The following CAMTA1 variants were observed in gnomAD, a reference collection of about 807,000 sequenced individuals.
The protein encoded by CAMTA1 is calmodulin-binding transcription activator 1.
In CAMTA1, 27 loss-of-function variants were observed where a neutral mutation model predicts 170.9. The observed-to-expected ratio is 0.16, with a 90% confidence interval of 0.12 to 0.22. The LOEUF (loss-of-function observed/expected upper bound fraction) is 0.22. CAMTA1 is among the 10% of genes least tolerant of loss of function. The pLI is 1.00. For synonymous variants in CAMTA1, 833 were observed against 891.5 expected (o/e 0.93, Z 1.17); for missense variants, 1,619 against 2,217.2 (o/e 0.73, Z 5.42).
In CAMTA1 at chr1:7,638,511, G is replaced by C. The variant is rs538078927; in HGVS notation, c.511-1889G>C. 5.9e-5 allele frequency among the ~76,000 whole-genome samples: 9 copies of C among 152,056 alleles called. 1 individual carries two copies. The highest frequency in any genetic ancestry group is 5.9e-4 in the Admixed American group (9 of 15,260). Reference sequence around the variant, plus strand: ...CAAAAATTAGCCGGGCTGTGGTGGCGTGCACGTGTAATCCCAGCTACTCAG... The same window carrying C: ...CAAAAATTAGCCGGGCTGTGGTGGCCTGCACGTGTAATCCCAGCTACTCAG... On this transcript the variant is annotated intron_variant, in intron 6 of 22. Transcript: ENST00000303635.
chr1:7,343,802 G>A (rs1026984564), intron 5 of CAMTA1, among the ~76,000 whole-genome samples: 3 of 152,140 alleles, frequency 2.0e-5, no homozygotes, highest in Non-Finnish European at 2.9e-5. Flanking sequence ...CCCTTCTGTG[G>A]TCTTCTGGGG....
At chr1:6,976,453 G>A (rs772877794) in intron 3 of CAMTA1, among the ~76,000 whole-genome samples, 3 of 152,228 alleles carry the variant, frequency 2.0e-5, no homozygotes, top group Admixed American at 2.0e-4. Flanking sequence ...ACAGAGTTCA[G>A]TTGGCTGCTG....
At chr1:7,168,219 A>G (rs1188860733) in intron 4 of CAMTA1, among the ~76,000 whole-genome samples, 1 of 152,156 alleles carries the variant, frequency 6.6e-6, no homozygotes, top group African/African-American at 2.4e-5. Context: ...CTTTGGTGGA[A>G]TCTTTTAATA....
intron 3 of CAMTA1, among the ~76,000 whole-genome samples, chr1:6,900,933 T>C (rs761319846): frequency 1.3e-5 from 2 of 152,218 alleles, no homozygotes; most frequent in Non-Finnish European, 2.9e-5. Context: ...GCAAAAGATC[T>C]AGAAAGACCA....
At chr1:6,905,535 C>T (rs1345006345) in intron 3 of CAMTA1, among the ~76,000 whole-genome samples, 1 of 152,058 alleles carries the variant, frequency 6.6e-6, no homozygotes, top group Non-Finnish European at 1.5e-5. Context: ...TCTTGCCCCA[C>T]CCCTGCCACC....
rs989710690 is a variant in CAMTA1 at position 7,249,729 on chromosome 1, A to G, written c.438+103A>G. On this transcript the variant is annotated intron_variant, in intron 5 of 22. Transcript: ENST00000303635. This position sits in a 1 kb window ranked among gnomAD's most constrained non-coding sequence, Gnocchi z 4.4. ...ATTTGATGCGAGTCACCTCTGTCCAAAGAATTTTTGTTTGCCAAGACCCTG... is the reference window on the plus strand; with the variant it reads ...ATTTGATGCGAGTCACCTCTGTCCAGAGAATTTTTGTTTGCCAAGACCCTG... The G allele has an allele frequency of 7.2e-7, 1 of 1,386,084 alleles. No homozygotes were observed. Among genetic ancestry groups the G allele is most frequent in the Non-Finnish European group, 9.7e-7 (1 of 1,032,782 alleles). The allele number at this position is 1,386,084 out of a possible 1,614,324, so 85.9% of individuals were successfully genotyped here.
At chr1:7,460,312 A>G (rs1239406333) in intron 5 of CAMTA1, among the ~76,000 whole-genome samples, 1 of 152,230 alleles carries the variant, frequency 6.6e-6, no homozygotes, top group African/African-American at 2.4e-5. Context: ...ACCTTGAATG[A>G]AAAGGGGACA....
chr1:7,418,733 C>T (rs2091361299), intron 5 of CAMTA1, among the ~76,000 whole-genome samples: 1 of 152,224 alleles, frequency 6.6e-6, no homozygotes, highest in South Asian at 2.1e-4. Context: ...TGCAGCCTGC[C>T]CATCTTGGTC....
intron 5 of CAMTA1, among the ~76,000 whole-genome samples, chr1:7,321,071 G>A (rs2149683837): frequency 6.6e-6 from 1 of 152,328 alleles, no homozygotes; most frequent in Admixed American, 6.5e-5. Flanking sequence ...CTCATTGCAT[G>A]TACTTGCTGC....
At chr1:6,799,101 A>C (rs1243277872) in intron 1 of CAMTA1, among the ~76,000 whole-genome samples, 1 of 152,070 alleles carries the variant, frequency 6.6e-6, no homozygotes, top group Non-Finnish European at 1.5e-5. Flanking sequence ...TAGAGACAAG[A>C]GTCTTGATCT....
intron 5 of CAMTA1, among the ~76,000 whole-genome samples, chr1:7,419,657 C>T (rs970664993): frequency 1.1e-4 from 17 of 152,172 alleles, no homozygotes; most frequent in Admixed American, 1.3e-4. Flanking sequence ...TCCTAAGTGT[C>T]GACTCATCCT....
At chr1:7,305,696 A>T (rs1402127835) in intron 5 of CAMTA1, among the ~76,000 whole-genome samples, 2 of 150,506 alleles carry the variant, frequency 1.3e-5, no homozygotes, top group African/African-American at 4.8e-5. Context: ...AAATATTTAT[A>T]TATAGGTTTT....
chr1:7,535,649 C>T (rs1432627260), intron 6 of CAMTA1, among the ~76,000 whole-genome samples: 1 of 152,182 alleles, frequency 6.6e-6, no homozygotes, highest in East Asian at 1.9e-4. Context: ...GTCACTGATG[C>T]AAACACAGGA....
At chr1:7,212,252 A>G (rs1658908399) in intron 4 of CAMTA1, among the ~76,000 whole-genome samples, 2 of 151,942 alleles carry the variant, frequency 1.3e-5, no homozygotes, top group Non-Finnish European at 2.9e-5. Context: ...CTTGTGTTCT[A>G]TTTTATGGTC....
intron 11 of CAMTA1, among the ~76,000 whole-genome samples, chr1:7,690,003 C>CA (rs1251054220): frequency 6.6e-6 from 1 of 152,016 alleles, no homozygotes; most frequent in East Asian, 1.9e-4. Context: ...ACTAGAAATA[C>CA]AAAAAATTAG....
chr1:7,628,258 C>G (rs75398097), intron 6 of CAMTA1, among the ~76,000 whole-genome samples: 105 of 152,292 alleles, frequency 6.9e-4, no homozygotes, highest in African/African-American at 2.5e-3. Context: ...GGAAAGAGCA[C>G]CCCTGCCTCC....
chr1:6,847,360 G>A (rs1467264855), intron 3 of CAMTA1, among the ~76,000 whole-genome samples: 1 of 152,028 alleles, frequency 6.6e-6, no homozygotes. Flanking sequence ...AAGGTACTAC[G>A]TTTAGTCAAA....
chr1:7,551,755 G>T (rs2094806038), intron 6 of CAMTA1, among the ~76,000 whole-genome samples: 1 of 152,210 alleles, frequency 6.6e-6, no homozygotes, highest in African/African-American at 2.4e-5. Context: ...CCTGGCACTG[G>T]GTCTCTGCTG....
At chr1:7,531,952 G>A (rs1184885300) in intron 6 of CAMTA1, among the ~76,000 whole-genome samples, 2 of 152,036 alleles carry the variant, frequency 1.3e-5, no homozygotes, top group African/African-American at 4.8e-5. Flanking sequence ...TTTTTCTAAC[G>A]CACCTACAAA....
Sources: gnomAD v4.1 joint callset for allele counts (sites outside exome capture counted in the v4.1 genomes callset) on GRCh38, gnomAD v4.1.1 for gene constraint, Gnocchi (gnomAD v3.1) non-coding constraint, MANE v1.5 for transcripts, NCBI Gene and HGNC (gene_info 2026-07-23, HGNC 2026-07-21) for gene names.